PRKACB: variants seen among roughly 807,000 people sequenced by gnomAD.
PRKACB encodes the protein protein kinase cAMP-activated catalytic subunit beta.
Under a neutral mutation model 51.4 loss-of-function variants are expected in PRKACB, and 16 were observed. That is an observed-to-expected ratio of 0.31 (90% CI 0.21 to 0.47). The LOEUF is 0.47. Among genes scored for constraint, PRKACB ranks in the 20% least tolerant of loss-of-function variants. The probability of loss-of-function intolerance (pLI) is 1.00; values close to 1 mark genes in which losing one functional copy is unlikely to be tolerated. For missense variants in PRKACB, 309 were observed against 464.5 expected (o/e 0.67, Z 3.08); for synonymous variants, 147 against 154.4 (o/e 0.95, Z 0.35).
chr1:84,186,463 CCCTCCTTGG>C (rs1182619674), intron 5 of PRKACB, among the ~76,000 whole-genome samples: 1 of 152,024 alleles, frequency 6.6e-6, no homozygotes, highest in African/African-American at 2.4e-5. Context: ...AAGTGATCCA[CCCTCCTTGG>C]CCTCCCAAAG....
Position 84,236,680 on chromosome 1 carries a change from A to G in PRKACB, c.*1375A>G, listed in dbSNP as rs1676689859. 1.3e-5 allele frequency: 2 copies of G among 152,510 alleles called. No individual in the cohort carries two copies. The highest frequency in any genetic ancestry group is 2.9e-5 in the Non-Finnish European group (2 of 67,992). The allele number at this position is 152,510 out of a possible 1,614,324, so 9.4% of individuals were successfully genotyped here. On this transcript the variant is annotated 3_prime_UTR_variant, in exon 10 of 10. Transcript: ENST00000370685. Reference sequence around the variant, plus strand: ...TTTTTTTGCCAACTGACTTAACAACATTGCTGTCAGGTGGAAATTTCAAGC... The same window carrying G: ...TTTTTTTGCCAACTGACTTAACAACGTTGCTGTCAGGTGGAAATTTCAAGC...
chr1:84,234,792 C>T (rs1676465697), intron 9 of PRKACB, among the ~76,000 whole-genome samples: 1 of 152,232 alleles, frequency 6.6e-6, no homozygotes, highest in South Asian at 2.1e-4. Flanking sequence ...GTGCGTGCAC[C>T]CACTGACCTG....
At chr1:84,210,380 T>C (rs1671951145) in intron 8 of PRKACB, among the ~76,000 whole-genome samples, 1 of 152,198 alleles carries the variant, frequency 6.6e-6, no homozygotes, top group South Asian at 2.1e-4. Flanking sequence ...CTCTCAGACC[T>C]AATGGCTTAA....
intron 1 of PRKACB, among the ~76,000 whole-genome samples, chr1:84,160,242 G>A (rs1182079680): frequency 6.6e-6 from 1 of 151,932 alleles, no homozygotes; most frequent in Non-Finnish European, 1.5e-5. Context: ...TGTGTTACAG[G>A]TTTATTTACA....
At chr1:84,129,452 T>C (rs1284368400) in intron 1 of PRKACB, among the ~76,000 whole-genome samples, 1 of 152,134 alleles carries the variant, frequency 6.6e-6, no homozygotes, top group African/African-American at 2.4e-5. Flanking sequence ...TTTAAAGAAA[T>C]GTATGCATGT....
At chr1:84,170,568 C>G (rs563123519) in intron 1 of PRKACB, among the ~76,000 whole-genome samples, 1 of 151,710 alleles carries the variant, frequency 6.6e-6, no homozygotes, top group African/African-American at 2.4e-5. Flanking sequence ...ATACAAAATC[C>G]TATACTGGGA....
At chr1:84,136,534 G>A (rs1571746677) in intron 1 of PRKACB, among the ~76,000 whole-genome samples, 3 of 115,134 alleles carry the variant, frequency 2.6e-5, no homozygotes, top group South Asian at 2.6e-4. Context: ...TCTGACTGCC[G>A]ATTGGTGACA....
chr1:84,143,218 G>A (rs1371014222), upstream of PRKACB, among the ~76,000 whole-genome samples: 2 of 152,100 alleles, frequency 1.3e-5, no homozygotes, highest in African/African-American at 4.8e-5. Flanking sequence ...GGCCAAGGCG[G>A]GCGTATCGCT....
chr1:84,172,284 C>A (rs1342130764), intron 1 of PRKACB, among the ~76,000 whole-genome samples: 1 of 151,600 alleles, frequency 6.6e-6, no homozygotes, highest in Non-Finnish European at 1.5e-5. Flanking sequence ...AAATCCTTGA[C>A]ATATGATTGT....
chr1:84,191,415 C>T (rs1666759595), intron 5 of PRKACB, among the ~76,000 whole-genome samples: 1 of 151,990 alleles, frequency 6.6e-6, no homozygotes, highest in Non-Finnish European at 1.5e-5. Context: ...TGATGGAATT[C>T]CCTCTGTAAG....
intron 1 of PRKACB, among the ~76,000 whole-genome samples, chr1:84,159,140 A>G (rs1429845915): frequency 1.3e-5 from 2 of 152,124 alleles, no homozygotes; most frequent in African/African-American, 4.8e-5. Flanking sequence ...ATTTTCATAT[A>G]AATTTCTGGA....
At chr1:84,106,751 CT>C (rs1649784614) in intron 1 of PRKACB, among the ~76,000 whole-genome samples, 1 of 152,132 alleles carries the variant, frequency 6.6e-6, no homozygotes, top group Admixed American at 6.6e-5. Flanking sequence ...CTAGAAAATA[CT>C]ATTCTACCAT....
intron 9 of PRKACB, among the ~76,000 whole-genome samples, chr1:84,217,770 G>C (rs1673089001): frequency 6.6e-6 from 1 of 152,140 alleles, no homozygotes; most frequent in South Asian, 2.1e-4. Flanking sequence ...TCCAGCCTGG[G>C]CTACAGAGCT....
chr1:84,121,430 C>T (rs1449956963), intron 1 of PRKACB, among the ~76,000 whole-genome samples: 3 of 151,960 alleles, frequency 2.0e-5, no homozygotes, highest in African/African-American at 7.3e-5. Context: ...AATCACAAGT[C>T]TGTCATTTTT....
At chr1:84,136,643 T>C (rs984518151) in intron 1 of PRKACB, among the ~76,000 whole-genome samples, 6 of 152,106 alleles carry the variant, frequency 3.9e-5, no homozygotes, top group African/African-American at 1.4e-4. Context: ...AAAAATTAAA[T>C]ATAGTTTTAC....
intron 9 of PRKACB, among the ~76,000 whole-genome samples, chr1:84,231,272 C>A (rs1675602621): frequency 1.3e-5 from 2 of 152,090 alleles, no homozygotes; most frequent in African/African-American, 4.8e-5. Context: ...GGATGAAGCC[C>A]ACTTGATCAT....
intron 7 of PRKACB, among the ~76,000 whole-genome samples, chr1:84,201,076 A>G (rs572551479): frequency 6.6e-6 from 1 of 152,254 alleles, no homozygotes; most frequent in African/African-American, 2.4e-5. Flanking sequence ...TCCCAGAAGT[A>G]GAATTACTGG....
At chr1:84,214,579 G>A (rs781427411) in intron 9 of PRKACB, among the ~76,000 whole-genome samples, 1 of 146,692 alleles carries the variant, frequency 6.8e-6, no homozygotes, top group Non-Finnish European at 1.5e-5. Flanking sequence ...TGCAACCTCC[G>A]CCACCTCAGT....
rs748486945 is a variant in PRKACB, at chr1:84,173,372, T to TA, written c.188-5804dup. On this transcript the variant is annotated intron_variant, in intron 1 of 9. Coordinates refer to ENST00000370685, the MANE Select transcript of PRKACB (RefSeq NM_182948.4). ...CATCTGGTAGGAAAACCCCTTTTTT[T>TA]ACAGAATAATTCTGTTACTTTGATT... The TA allele has an allele frequency of 1.2e-5, 18 of 1,551,866 alleles. No individual in the cohort carries two copies. In the East Asian group the frequency reaches 3.7e-4, roughly 32 times the overall value.
Sources: gnomAD v4.1 joint callset for allele counts (sites outside exome capture counted in the v4.1 genomes callset) on GRCh38, gnomAD v4.1.1 for gene constraint, MANE v1.5 for transcripts, NCBI Gene and HGNC (gene_info 2026-07-23, HGNC 2026-07-21) for gene names.